PTPRD: variants seen among roughly 807,000 people sequenced by gnomAD.
The protein encoded by PTPRD is receptor-type tyrosine-protein phosphatase delta.
In PTPRD, 34 loss-of-function variants were observed where a neutral mutation model predicts 214.5. The observed-to-expected ratio is 0.16, with a 90% CI of 0.12 to 0.21. The LOEUF is 0.21. Ranked by LOEUF, PTPRD falls within the 10% of genes least tolerant of loss-of-function variation. The pLI, the probability that PTPRD is intolerant of heterozygous loss-of-function variation, is 1.00. For synonymous variants in PTPRD, 1,128 were observed against 845.7 expected, an observed-to-expected ratio of 1.33 and a Z score of -5.79; for missense variants, 2,545 against 2,398.7, an observed-to-expected ratio of 1.06 and a Z score of -1.27.
intron 36 of PTPRD, among the ~76,000 whole-genome samples, chr9:8,393,537 G>A (rs984911689): frequency 2.6e-5 from 4 of 152,156 alleles, no homozygotes; most frequent in Non-Finnish European, 5.9e-5. Flanking sequence ...GAACACATTG[G>A]CCCTGCTGCA....
intron 5 of PTPRD, among the ~76,000 whole-genome samples, chr9:9,823,613 T>C (rs1183279206): frequency 2.6e-5 from 4 of 152,066 alleles, no homozygotes; most frequent in Middle Eastern, 3.2e-3. Flanking sequence ...TTATGTTAAA[T>C]GAAATAATCC....
At chr9:9,587,478 A>G (rs1177043805) in intron 7 of PTPRD, among the ~76,000 whole-genome samples, 1 of 152,082 alleles carries the variant, frequency 6.6e-6, no homozygotes, top group Non-Finnish European at 1.5e-5. Context: ...TGCTGTTAGA[A>G]CTATTAATAG....
intron 11 of PTPRD, among the ~76,000 whole-genome samples, chr9:8,855,298 A>G (rs1385000860): frequency 6.6e-6 from 1 of 152,166 alleles, no homozygotes; most frequent in Non-Finnish European, 1.5e-5. Flanking sequence ...GATTTAAATA[A>G]GTGTCAATCT....
intron 8 of PTPRD, among the ~76,000 whole-genome samples, chr9:9,568,804 G>T (rs1386135717): frequency 6.6e-6 from 1 of 151,782 alleles, no homozygotes; most frequent in Non-Finnish European, 1.5e-5. Flanking sequence ...GGACTTCACA[G>T]ATGAAGACCT....
intron 3 of PTPRD, among the ~76,000 whole-genome samples, chr9:10,311,148 C>T (rs1364318499): frequency 6.6e-6 from 1 of 151,910 alleles, no homozygotes; most frequent in East Asian, 1.9e-4. Context: ...GTCTTCCCTT[C>T]CTTTTTCTCT....
At chr9:9,285,703 C>A (rs190599075) in intron 9 of PTPRD, among the ~76,000 whole-genome samples, 2 of 151,746 alleles carry the variant, frequency 1.3e-5, no homozygotes, top group Admixed American at 1.3e-4. Flanking sequence ...ATGTCTTGAC[C>A]CCAGGCTTCC....
At chr9:9,942,234 C>G (rs538114838) in intron 4 of PTPRD, among the ~76,000 whole-genome samples, 19 of 152,174 alleles carry the variant, frequency 1.2e-4, no homozygotes, top group African/African-American at 4.3e-4. Flanking sequence ...TATTCTCCAC[C>G]TCCTTTAAAA....
intron 11 of PTPRD, among the ~76,000 whole-genome samples, chr9:9,008,516 G>A (rs528118980): frequency 1.6e-4 from 24 of 151,952 alleles, no homozygotes; most frequent in Admixed American, 8.5e-4. Flanking sequence ...ATGAGCCACC[G>A]CGCCCGGCCT....
At chr9:10,018,829 G>A (rs1246433658) in intron 4 of PTPRD, among the ~76,000 whole-genome samples, 8 of 152,114 alleles carry the variant, frequency 5.3e-5, no homozygotes, top group Admixed American at 1.3e-4. Context: ...GATTACAGGC[G>A]TGAGCCACCG....
intron 11 of PTPRD, among the ~76,000 whole-genome samples, chr9:8,911,757 T>C (rs922242026): frequency 1.3e-5 from 2 of 152,120 alleles, no homozygotes; most frequent in African/African-American, 4.8e-5. Context: ...AGAAAATATT[T>C]GCAAATTATA....
Position 9,089,181 on chromosome 9 carries a change from G to T in PTPRD, c.-142-70446C>A, listed in dbSNP as rs577288161. 2.0e-5 allele frequency among the ~76,000 whole-genome samples: 3 copies of T among 152,252 alleles called. No individual in the cohort carries two copies. The East Asian group carries it at 5.8e-4, about 29-fold the overall frequency. Reference sequence around the variant, plus strand: ...AAGATATTCTTGTGTTGAAGGACTTGACACAGTTGACAGCTATCTTACTTT... The same window carrying T: ...AAGATATTCTTGTGTTGAAGGACTTTACACAGTTGACAGCTATCTTACTTT... On this transcript the variant is annotated intron_variant, in intron 10 of 45. Coordinates refer to ENST00000381196, the MANE Select transcript of PTPRD (RefSeq NM_002839.4).
chr9:9,346,718 G>A (rs1373635579), intron 9 of PTPRD, among the ~76,000 whole-genome samples: 3 of 151,550 alleles, frequency 2.0e-5, no homozygotes, highest in Non-Finnish European at 4.4e-5. Context: ...TTTAGACAGA[G>A]TTTTGCTCTT....
At chr9:9,353,126 CA>C (rs1235246342) in intron 9 of PTPRD, among the ~76,000 whole-genome samples, 1 of 151,872 alleles carries the variant, frequency 6.6e-6, no homozygotes, top group Non-Finnish European at 1.5e-5. Flanking sequence ...CAGGCTCGGT[CA>C]AAAGACTGTC....
At chr9:10,256,435 A>G (rs2093286798) in intron 3 of PTPRD, among the ~76,000 whole-genome samples, 1 of 151,348 alleles carries the variant, frequency 6.6e-6, no homozygotes, top group Admixed American at 6.6e-5. Flanking sequence ...CTCTAACATA[A>G]TAAAAATACA....
intron 14 of PTPRD, among the ~76,000 whole-genome samples, chr9:8,630,045 CAATT>C (rs2096200576): frequency 6.6e-6 from 1 of 151,694 alleles, no homozygotes; most frequent in Non-Finnish European, 1.5e-5. Flanking sequence ...TTTGAATCTC[CAATT>C]AATTAGTTTC....
intron 11 of PTPRD, among the ~76,000 whole-genome samples, chr9:8,895,302 C>T (rs2098599833): frequency 1.3e-5 from 2 of 151,570 alleles, no homozygotes; most frequent in Admixed American, 1.3e-4. Context: ...CCAAGAGGGT[C>T]TGGCATTCTC....
At chr9:9,754,548 T>C (rs2098550947) in intron 6 of PTPRD, among the ~76,000 whole-genome samples, 1 of 152,072 alleles carries the variant, frequency 6.6e-6, no homozygotes, top group Non-Finnish European at 1.5e-5. Flanking sequence ...TTAGCATCTT[T>C]GAGACATTTT....
chr9:10,559,050 T>G (rs1377224077), intron 2 of PTPRD, among the ~76,000 whole-genome samples: 1 of 152,118 alleles, frequency 6.6e-6, no homozygotes, highest in Non-Finnish European at 1.5e-5. Context: ...CAAGGTTAAG[T>G]AAGCATCAAC....
At chr9:9,335,206 T>C (rs1392269867) in intron 9 of PTPRD, among the ~76,000 whole-genome samples, 3 of 152,058 alleles carry the variant, frequency 2.0e-5, no homozygotes, top group African/African-American at 2.4e-5. Flanking sequence ...TAAAAAGTCA[T>C]TGTCATTCCT....
Sources: gnomAD v4.1 joint callset for allele counts (sites outside exome capture counted in the v4.1 genomes callset) on GRCh38, gnomAD v4.1.1 for gene constraint, MANE v1.5 for transcripts, NCBI Gene and HGNC (gene_info 2026-07-23, HGNC 2026-07-21) for gene names.